The following AGBL4 variants were observed in gnomAD, a reference collection of about 807,000 sequenced individuals.
AGBL4 encodes the protein AGBL carboxypeptidase 4, also known as cytosolic carboxypeptidase 6.
AGBL4 carries 58 observed loss-of-function variants against 66.4 expected under a neutral mutation model. The ratio of observed to expected loss-of-function variants is 0.87; its 90% CI spans 0.71 to 1.09. The LOEUF is 1.09. Among genes scored for constraint, AGBL4 ranks in the 50% least tolerant of loss-of-function variants. The probability of loss-of-function intolerance (pLI) is 0.00; values close to 1 mark genes in which losing one functional copy is unlikely to be tolerated. For missense variants in AGBL4, 579 were observed against 631.0 expected (o/e 0.92, Z 0.88); for synonymous variants, 234 against 222.9 (o/e 1.05, Z -0.44).
intron 2 of AGBL4, among the ~76,000 whole-genome samples, chr1:49,760,972 A>G (rs920782334): frequency 1.3e-5 from 2 of 152,094 alleles, no homozygotes; most frequent in African/African-American, 4.8e-5. Flanking sequence ...TTGAACAATG[A>G]GAACACATGG....
intron 2 of AGBL4, among the ~76,000 whole-genome samples, chr1:49,778,233 T>C (rs780911783): frequency 2.6e-5 from 4 of 152,082 alleles, no homozygotes; most frequent in Non-Finnish European, 4.4e-5. Flanking sequence ...TATGCCAACA[T>C]GGGCAATCCA....
chr1:49,264,930 ATT>A (rs1416094920), intron 3 of AGBL4, among the ~76,000 whole-genome samples: 1 of 152,026 alleles, frequency 6.6e-6, no homozygotes, highest in Non-Finnish European at 1.5e-5. Flanking sequence ...TCCTTTTAAG[ATT>A]TATTTGGTTT....
intron 2 of AGBL4, among the ~76,000 whole-genome samples, chr1:49,709,248 G>T (rs1287559251): frequency 6.6e-6 from 1 of 152,194 alleles, no homozygotes; most frequent in Non-Finnish European, 1.5e-5. Context: ...TTTCAGAGAT[G>T]CCCTGCCCAG....
chr1:49,866,868 G>T (rs1192997943), intron 1 of AGBL4, among the ~76,000 whole-genome samples: 1 of 150,920 alleles, frequency 6.6e-6, no homozygotes, highest in South Asian at 2.1e-4. Flanking sequence ...TGGATTCGCT[G>T]TTCCTCTTAT....
intron 1 of AGBL4, among the ~76,000 whole-genome samples, chr1:49,971,874 A>G (rs1168986808): frequency 2.1e-5 from 2 of 96,084 alleles, no homozygotes; most frequent in East Asian, 3.1e-4. Flanking sequence ...ATTTATTTTT[A>G]TATATTTAAG....
chr1:49,073,015 C>T (rs1571379822), intron 4 of AGBL4, among the ~76,000 whole-genome samples: 1 of 152,042 alleles, frequency 6.6e-6, no homozygotes, highest in South Asian at 2.1e-4. Flanking sequence ...CACTGATATC[C>T]TTTCTTTCAC....
intron 7 of AGBL4, among the ~76,000 whole-genome samples, chr1:48,654,904 G>C (rs1446872496): frequency 6.6e-6 from 1 of 152,262 alleles, no homozygotes; most frequent in Admixed American, 6.5e-5. Context: ...CAGTTTGCCA[G>C]TAAACAGGCA....
At chr1:48,882,990 A>G (rs1161892978) in intron 5 of AGBL4, among the ~76,000 whole-genome samples, 2 of 152,150 alleles carry the variant, frequency 1.3e-5, no homozygotes, top group African/African-American at 4.8e-5. Flanking sequence ...GTGTATATAT[A>G]CCACAATTTT....
At chr1:48,884,364 C>G (rs957472669) in intron 5 of AGBL4, among the ~76,000 whole-genome samples, 3 of 148,490 alleles carry the variant, frequency 2.0e-5, no homozygotes, top group African/African-American at 7.4e-5. Flanking sequence ...GATTCAAACC[C>G]AAGTCTCACT....
chr1:48,694,048 CA>C (rs61574470), intron 6 of AGBL4, among the ~76,000 whole-genome samples: 2,798 of 56,996 alleles, frequency 0.049, 74 homozygotes, highest in African/African-American at 0.11. Context: ...TTTCCCTATT[CA>C]AAAAAAAAAA....
chr1:49,638,931 G>C (rs1645728476), intron 3 of AGBL4, among the ~76,000 whole-genome samples: 1 of 152,156 alleles, frequency 6.6e-6, no homozygotes, highest in Non-Finnish European at 1.5e-5. Flanking sequence ...AAAGTGAAGG[G>C]CACTTGAGGT....
intron 1 of AGBL4, among the ~76,000 whole-genome samples, chr1:49,987,125 A>G (rs913852522): frequency 6.6e-5 from 10 of 152,082 alleles, no homozygotes; most frequent in African/African-American, 2.4e-4. Context: ...ATCAGCATAT[A>G]CTAGCATGAC....
intron 6 of AGBL4, among the ~76,000 whole-genome samples, chr1:48,709,853 T>C (rs1646938271): frequency 1.3e-5 from 2 of 152,036 alleles, no homozygotes; most frequent in Admixed American, 6.6e-5. Flanking sequence ...CCACCCACCT[T>C]GGCCTCCCAA....
intron 3 of AGBL4, among the ~76,000 whole-genome samples, chr1:49,614,059 T>TA (rs1645205286): frequency 6.6e-6 from 1 of 152,228 alleles, no homozygotes; most frequent in Non-Finnish European, 1.5e-5. Context: ...ACACATTTGG[T>TA]AAAACTTGTA....
chr1:49,886,159 A>C (rs781625162), intron 1 of AGBL4, among the ~76,000 whole-genome samples: 2 of 152,172 alleles, frequency 1.3e-5, no homozygotes, highest in Non-Finnish European at 2.9e-5. Context: ...ATATGCCTTA[A>C]TGTCCACTTC....
rs562422088 is a variant in AGBL4, at chr1:49,095,943, G to A, written c.378-50143C>T. 1.5e-4 allele frequency among the ~76,000 whole-genome samples: 23 copies of A among 152,056 alleles called. 1 individual carries two copies. The highest frequency in any genetic ancestry group is 5.3e-4 in the African/African-American group (22 of 41,478). On this transcript the variant is annotated intron_variant, in intron 4 of 13. Transcript: ENST00000371839. ...GAAAATTTTTGCAATCTACTCATCC[G>A]ACAAAGGGCTAATATCCAGAATCTA...
intron 3 of AGBL4, among the ~76,000 whole-genome samples, chr1:49,328,981 G>A (rs551904428): frequency 1.3e-5 from 2 of 152,124 alleles, no homozygotes; most frequent in Non-Finnish European, 1.5e-5. Flanking sequence ...ATAATGAATT[G>A]ACTTATTGTG....
chr1:49,824,656 A>G (rs1463219461), intron 2 of AGBL4, among the ~76,000 whole-genome samples: 1 of 152,244 alleles, frequency 6.6e-6, no homozygotes, highest in Admixed American at 6.5e-5. Flanking sequence ...AATAAGCCAG[A>G]GAAAGAAGGG....
chr1:49,507,722 T>C (rs554477101), intron 3 of AGBL4, among the ~76,000 whole-genome samples: 5 of 152,042 alleles, frequency 3.3e-5, no homozygotes, highest in South Asian at 4.1e-4. Flanking sequence ...TTATTAGGTA[T>C]GAATTTAATA....
Sources: allele counts gnomAD v4.1 joint callset (sites outside exome capture counted in the v4.1 genomes callset), GRCh38; gene constraint gnomAD v4.1.1; transcripts MANE v1.5; gene names NCBI Gene and HGNC (gene_info 2026-07-23, HGNC 2026-07-21).